Variants in ANXA1 observed in about 807,000 individuals in gnomAD.
ANXA1 encodes annexin A1, also known as annexin I (lipocortin I).
Under a neutral mutation model 47.9 loss-of-function variants are expected in ANXA1, and 39 were observed. That is an observed-to-expected ratio of 0.81 (90% CI 0.63 to 1.06). ANXA1 has a LOEUF of 1.06. Among genes scored for constraint, ANXA1 ranks in the 50% least tolerant of loss-of-function variants. The pLI, the probability that ANXA1 is intolerant of heterozygous loss-of-function variation, is 0.00. For synonymous variants in ANXA1, 146 were observed against 142.5 expected (o/e 1.02, Z -0.17); for missense variants, 446 against 422.7 (o/e 1.06, Z -0.48).
At chr9:73,157,470 A>G (rs1316631684) in intron 1 of ANXA1, among the ~76,000 whole-genome samples, 1 of 151,828 alleles carries the variant, frequency 6.6e-6, no homozygotes, top group Non-Finnish European at 1.5e-5. Context: ...CCTAGCCAAC[A>G]TGGTGAAAAC....
chr9:73,164,240 A>T (rs1235591112), intron 8 of ANXA1, among the ~76,000 whole-genome samples: 1 of 152,170 alleles, frequency 6.6e-6, no homozygotes, highest in Non-Finnish European at 1.5e-5. Context: ...CACTTCTGCT[A>T]TACCAGTACA....
intron 8 of ANXA1, among the ~76,000 whole-genome samples, chr9:73,164,883 A>G (rs1002308698): frequency 6.6e-6 from 1 of 152,150 alleles, no homozygotes; most frequent in Non-Finnish European, 1.5e-5. Flanking sequence ...TTTATTCTGC[A>G]AACATATATT....
At chr9:73,154,227 A>G (rs1356465410) in intron 1 of ANXA1, 1 of 1,086,288 alleles carries the variant, frequency 9.2e-7, no homozygotes, top group Non-Finnish European at 1.3e-6. Flanking sequence ...TGTGAAATAC[A>G]TATTCGAGGA....
At chr9:73,169,245 A>C in intron 12 of ANXA1, 91 bp downstream of exon 12, 9 of 1,348,250 alleles carry the variant, frequency 6.7e-6, no homozygotes, top group Non-Finnish European at 9.0e-6. Context: ...TGTATCTATA[A>C]ATTTAATATG....
rs1159242988 is a variant in ANXA1 at position 73,163,403 on chromosome 9, G to A, written c.556-73G>A. The A allele has an allele frequency of 3.2e-5, 45 of 1,409,962 alleles. No individual in the cohort carries two copies. The East Asian group carries it at 8.1e-4, about 25-fold the overall frequency. The allele number at this position is 1,409,962 out of a possible 1,614,324, so 87.3% of individuals were successfully genotyped here. ...TTCTCAAAAAATATTATTTATCTGA[G>A]TTTAAGATAATTAAGTAAATCATGC... On this transcript the variant is annotated intron_variant, in intron 7 of 12. Coordinates refer to ENST00000257497, the MANE Select transcript of ANXA1 (RefSeq NM_000700.3).
intron 3 of ANXA1, among the ~76,000 whole-genome samples, chr9:73,159,123 T>C (rs1824096590): frequency 6.6e-6 from 1 of 152,222 alleles, no homozygotes; most frequent in Non-Finnish European, 1.5e-5. Flanking sequence ...AAGTTAATTG[T>C]CTCTTCCTTT....
In ANXA1 at chr9:73,163,519, A is replaced by G; in HGVS notation, c.599A>G (p.Asp200Gly). The part of the protein sequence containing the change: ...EDFGVNEDLA[D>G]SDARALYEAG... ...TTTGGTGTGAATGAAGACTTGGCTG[A>G]TTCAGATGCCAGGGTAAGGAAGTGC... Residue 200 changes from aspartate to glycine, a missense_variant, in exon 8 of 13, where the codon GAT becomes GGT. Physicochemically the swap from Asp to Gly is moderately conservative, Grantham distance 94 (BLOSUM62 -1). Transcript: ENST00000257497. The G allele has an allele frequency of 6.2e-7, 1 of 1,612,876 alleles. No homozygotes were observed. Among genetic ancestry groups the G allele is most frequent in the Admixed American group, 1.7e-5 (1 of 59,946 alleles).
intron 3 of ANXA1, 77 bp from the exon 4 acceptor site, chr9:73,159,252 T>A: frequency 8.7e-7 from 1 of 1,155,692 alleles, no homozygotes; most frequent in Non-Finnish European, 1.3e-6. Flanking sequence ...TTTTGGAGCA[T>A]CTCAGTAATG....
At chr9:73,156,097 A>G (rs11143509) in intron 1 of ANXA1, among the ~76,000 whole-genome samples, 11,453 of 130,140 alleles carry the variant, frequency 0.088, 440 homozygotes, top group African/African-American at 0.12. Flanking sequence ...CTAATTGAAA[A>G]GAATGGAATA....
rs144268463 is a variant in ANXA1 at position 73,168,202 on chromosome 9, A to G, written c.861+647A>G. 5.9e-5 allele frequency: 9 copies of G among 152,332 alleles called. No individual in the cohort carries two copies. The East Asian group carries it at 9.6e-4, about 16-fold the overall frequency. 9.4% of individuals were successfully genotyped at this position (152,332 alleles called of 1,614,324 possible). On this transcript the variant is annotated intron_variant, in intron 11 of 12. Coordinates refer to ENST00000257497, the MANE Select transcript of ANXA1 (RefSeq NM_000700.3). ...AGAAAGATCTAACTATTTGAATAAT[A>G]TGAAGGAATATTTTGAATATATATG...
At chr9:73,165,313 C>T in intron 9 of ANXA1, 104 bp downstream of exon 9, 3 of 830,402 alleles carry the variant, frequency 3.6e-6, no homozygotes, top group Admixed American at 4.7e-5. Context: ...TTCAATATCA[C>T]TCCTGTATCA....
intron 6 of ANXA1, among the ~76,000 whole-genome samples, chr9:73,161,409 T>C (rs1824140596): frequency 6.6e-6 from 1 of 152,200 alleles, no homozygotes; most frequent in South Asian, 2.1e-4. Flanking sequence ...AGACTCACTT[T>C]ATCTCTAGTT....
intron 1 of ANXA1, among the ~76,000 whole-genome samples, chr9:73,153,319 G>T (rs1823999186): frequency 6.6e-6 from 1 of 152,202 alleles, no homozygotes; most frequent in Non-Finnish European, 1.5e-5. Flanking sequence ...TTTCAAATCA[G>T]AGGTAAACCA....
In ANXA1 at chr9:73,160,396, C is replaced by A. The variant is rs780088641; in HGVS notation, c.384+20C>A. On this transcript the variant is annotated intron_variant, in intron 5 of 12. Transcript: ENST00000257497. ...ATGAAGGTAAATCGCCCAATTTGAG[C>A]AAACTCCTTTCCTCAAGAGGATGTA... The A allele has an allele frequency of 4.6e-5, 70 of 1,514,652 alleles. 1 individual carries two copies. The highest frequency in any genetic ancestry group is 3.2e-4 in the South Asian group (25 of 78,928). The allele number at this position is 1,514,652 out of a possible 1,614,324, so 93.8% of individuals were successfully genotyped here.
intron 11 of ANXA1, chr9:73,167,790 A>G: frequency 2.3e-6 from 1 of 440,568 alleles, no homozygotes; most frequent in South Asian, 4.4e-5. Flanking sequence ...TTTACGGCTC[A>G]CTTGTGATTT....
At chr9:73,157,002 T>G (rs889306883) in intron 1 of ANXA1, among the ~76,000 whole-genome samples, 1 of 152,154 alleles carries the variant, frequency 6.6e-6, no homozygotes, top group African/African-American at 2.4e-5. Flanking sequence ...AATAAAAATA[T>G]TGCCAAGTCA....
rs750505719 is a variant in ANXA1, at chr9:73,169,172, T to C, written c.984+18T>C. The C allele has an allele frequency of 2.0e-5, 32 of 1,585,834 alleles. No homozygotes were observed. The highest frequency in any genetic ancestry group is 2.7e-5 in the African/African-American group (2 of 73,832). The stretch of plus-strand genomic sequence containing the variant: ...CCATCCTGGTATGTTTTGATTCCTC[T>C]AATGCCATCCCAACAAATGAAAGTT... On this transcript the variant is annotated intron_variant, in intron 12 of 12. Coordinates refer to ENST00000257497, the MANE Select transcript of ANXA1 (RefSeq NM_000700.3).
At chr9:73,167,787 C>T in intron 11 of ANXA1, 1 of 452,942 alleles carries the variant, frequency 2.2e-6, no homozygotes, top group Admixed American at 3.9e-5. Flanking sequence ...TGATTTACGG[C>T]TCACTTGTGA....
At chr9:73,155,547 C>T (rs375215061) in intron 1 of ANXA1, among the ~76,000 whole-genome samples, 4 of 152,124 alleles carry the variant, frequency 2.6e-5, no homozygotes, top group Non-Finnish European at 4.4e-5. Context: ...TCAGTTAATA[C>T]GTGCAGTTGG....
Sources: gnomAD v4.1 joint callset for allele counts (sites outside exome capture counted in the v4.1 genomes callset) on GRCh38, gnomAD v4.1.1 for gene constraint, MANE v1.5 for transcripts, NCBI Gene and HGNC (gene_info 2026-07-23, HGNC 2026-07-21) for gene names.